ADAMTSL1: variants seen among roughly 807,000 people sequenced by gnomAD.
ADAMTSL1 encodes the protein ADAMTS like 1.
ADAMTSL1 carries 126 observed loss-of-function variants against 201.8 expected under a neutral mutation model. That is an observed-to-expected ratio of 0.62 (90% CI 0.54 to 0.72). The LOEUF (loss-of-function observed/expected upper bound fraction) is 0.72. Ranked by LOEUF, ADAMTSL1 falls within the 30% of genes least tolerant of loss-of-function variation. The pLI, the probability that ADAMTSL1 is intolerant of heterozygous loss-of-function variation, is 0.00. For missense variants in ADAMTSL1, 2,679 were observed against 2,277.8 expected (o/e 1.18, Z -3.59); for synonymous variants, 1,121 against 903.4 (o/e 1.24, Z -4.32).
intron 1 of ADAMTSL1, among the ~76,000 whole-genome samples, chr9:17,984,647 C>G (rs989068651): frequency 6.6e-6 from 1 of 151,924 alleles, no homozygotes; most frequent in Non-Finnish European, 1.5e-5. Context: ...CTCCTTAGTC[C>G]GAGTTGTAAG....
In ADAMTSL1 at chr9:18,647,831, T is replaced by G. The variant is rs200206158; in HGVS notation, c.834+8420T>G. ...AGTATGTGGTCAATTTTGGAATAGG[T>G]GTGGTGTGGTGCTGAAAAAAATGTA... On this transcript the variant is annotated intron_variant, in intron 7 of 28. Coordinates refer to ENST00000380548, the MANE Select transcript of ADAMTSL1 (RefSeq NM_001040272.6). Among the ~76,000 whole-genome samples, 81 of 151,792 alleles carry G rather than the reference T, an allele frequency of 5.3e-4. 1 individual carries two copies. The East Asian group carries it at 0.013, about 25-fold the overall frequency.
chr9:18,661,018 A>G (rs939878699), intron 8 of ADAMTSL1, among the ~76,000 whole-genome samples: 2 of 152,198 alleles, frequency 1.3e-5, no homozygotes, highest in Non-Finnish European at 2.9e-5. Flanking sequence ...TGGCAGATTG[A>G]TTAGGGTAAG....
At position 18,711,885 on chromosome 9, in the gene ADAMTSL1, T is replaced by C. The variant is rs532383352; in HGVS notation, c.1876+4837T>C. On this transcript the variant is annotated intron_variant, in intron 14 of 28. Transcript: ENST00000380548. ...GAAGAGAGCAGTGGTTCTCCCAGCATGCAGCTGGAGATCTGAGAACGGGCA... is the reference window on the plus strand; with the variant it reads ...GAAGAGAGCAGTGGTTCTCCCAGCACGCAGCTGGAGATCTGAGAACGGGCA... Among the ~76,000 whole-genome samples, 281 of 145,576 alleles carry C rather than the reference T, an allele frequency of 1.9e-3. 1 individual carries two copies. The highest frequency in any genetic ancestry group is 3.5e-3 in the Middle Eastern group (1 of 288).
chr9:17,980,418 A>AT (rs1432990624), intron 1 of ADAMTSL1, among the ~76,000 whole-genome samples: 3 of 150,594 alleles, frequency 2.0e-5, no homozygotes, highest in Non-Finnish European at 4.4e-5. Flanking sequence ...TAATTTACCA[A>AT]TTTTCTCTTC....
At chr9:18,332,346 G>C (rs1835063826) in intron 2 of ADAMTSL1, among the ~76,000 whole-genome samples, 1 of 152,136 alleles carries the variant, frequency 6.6e-6, no homozygotes, top group Admixed American at 6.5e-5. Context: ...TGAGGATTCA[G>C]AATTTCCCTC....
chr9:18,229,106 C>T (rs1279519365), intron 2 of ADAMTSL1, among the ~76,000 whole-genome samples: 1 of 151,820 alleles, frequency 6.6e-6, no homozygotes, highest in African/African-American at 2.4e-5. Flanking sequence ...ACAGCATATG[C>T]AAAAAAGAAA....
At chr9:18,458,225 C>G (rs1292554310) in intron 2 of ADAMTSL1, among the ~76,000 whole-genome samples, 1 of 152,130 alleles carries the variant, frequency 6.6e-6, no homozygotes, top group African/African-American at 2.4e-5. Context: ...GTGTGTCCCA[C>G]TGGAAGAAAT....
Position 18,350,780 on chromosome 9 carries a change from G to A in ADAMTSL1, c.208-154049G>A, listed in dbSNP as rs372876053. On this transcript the variant is annotated intron_variant, in intron 2 of 29. Transcript: ENST00000680146. ...ACCTCATGTTATTAGAGACAGGGGT[G>A]AATTGGAAAGAACAGTTTTCCACCT... 1.9e-4 allele frequency among the ~76,000 whole-genome samples: 29 copies of A among 152,258 alleles called. No individual in the cohort carries two copies. In the East Asian group the frequency reaches 4.6e-3, roughly 24 times the overall value.
chr9:18,745,354 A>G (rs1384198035), intron 15 of ADAMTSL1, among the ~76,000 whole-genome samples: 2 of 152,200 alleles, frequency 1.3e-5, no homozygotes, highest in Non-Finnish European at 2.9e-5. Context: ...ATTAAAATAT[A>G]TTACTATCAA....
intron 1 of ADAMTSL1, among the ~76,000 whole-genome samples, chr9:17,976,531 C>T (rs1442571646): frequency 6.6e-6 from 1 of 151,454 alleles, no homozygotes; most frequent in Non-Finnish European, 1.5e-5. Context: ...TTTTTATTCT[C>T]GGAGAATTGG....
intron 2 of ADAMTSL1, among the ~76,000 whole-genome samples, chr9:18,254,615 G>A (rs1003028365): frequency 2.6e-5 from 4 of 151,218 alleles, no homozygotes; most frequent in African/African-American, 9.7e-5. Context: ...CGCCCGCCTC[G>A]GCCTCCCAAA....
At chr9:18,561,303 C>T (rs1821479992) in intron 3 of ADAMTSL1, among the ~76,000 whole-genome samples, 1 of 152,172 alleles carries the variant, frequency 6.6e-6, no homozygotes, top group African/African-American at 2.4e-5. Flanking sequence ...AGTAGTCATT[C>T]AGGAGCAGGC....
At chr9:18,657,176 G>A (rs1743288215) in intron 7 of ADAMTSL1, among the ~76,000 whole-genome samples, 1 of 152,172 alleles carries the variant, frequency 6.6e-6, no homozygotes, top group Non-Finnish European at 1.5e-5. Context: ...GTCTCTGAAT[G>A]GGAAGTGTTA....
At position 18,881,428 on chromosome 9, in the gene ADAMTSL1, T is replaced by C. The variant is rs147758086; in HGVS notation, c.4250-6403T>C. Among the ~76,000 whole-genome samples the C allele has an allele frequency of 3.1e-3, 477 of 152,290 alleles. 1 individual carries two copies. Among genetic ancestry groups the C allele is most frequent in the Non-Finnish European group, 4.3e-3 (293 of 68,016 alleles). ...TTTAATATTGCTGCATCTCAGGGGA[T>C]AGGGAGGTGGCCCCAGGAGAGGAAG... On this transcript the variant is annotated intron_variant, in intron 23 of 28. Transcript: ENST00000380548.
At chr9:18,712,936 G>A (rs933435604) in intron 14 of ADAMTSL1, among the ~76,000 whole-genome samples, 57 of 149,630 alleles carry the variant, frequency 3.8e-4, no homozygotes, top group African/African-American at 1.2e-3. Context: ...GAGAGTGGGG[G>A]CCAATATTCA....
chr9:18,334,731 C>T (rs1835158331), intron 2 of ADAMTSL1, among the ~76,000 whole-genome samples: 1 of 152,074 alleles, frequency 6.6e-6, no homozygotes, highest in Non-Finnish European at 1.5e-5. Flanking sequence ...CAGTCTGGGA[C>T]TTGGAAACAA....
At chr9:18,325,833 A>G (rs1586898960) in intron 2 of ADAMTSL1, among the ~76,000 whole-genome samples, 1 of 151,644 alleles carries the variant, frequency 6.6e-6, no homozygotes, top group African/African-American at 2.4e-5. Flanking sequence ...CTCCGCCCCC[A>G]GGATTCAAGC....
chr9:18,123,465 T>A (rs1387979456), intron 1 of ADAMTSL1, among the ~76,000 whole-genome samples: 3 of 152,212 alleles, frequency 2.0e-5, no homozygotes, highest in Non-Finnish European at 2.9e-5. Flanking sequence ...GAGATTTTGT[T>A]CTTTTAAAAA....
At chr9:18,276,607 C>G (rs1260543682) in intron 2 of ADAMTSL1, among the ~76,000 whole-genome samples, 3 of 152,190 alleles carry the variant, frequency 2.0e-5, no homozygotes, top group Non-Finnish European at 4.4e-5. Context: ...GCAGGCTGTA[C>G]AAGAAGCGTG....
Sources: gnomAD v4.1 joint callset for allele counts (sites outside exome capture counted in the v4.1 genomes callset) on GRCh38, gnomAD v4.1.1 for gene constraint, MANE v1.5 for transcripts, NCBI Gene and HGNC (gene_info 2026-07-23, HGNC 2026-07-21) for gene names.